RBM19: variants seen among roughly 807,000 people sequenced by gnomAD.
RBM19 encodes RNA binding motif protein 19.
A neutral mutation model predicts 116.8 loss-of-function variants in RBM19; 94 were observed. The ratio of observed to expected loss-of-function variants is 0.80; its 90% CI spans 0.68 to 0.95. RBM19 has a LOEUF of 0.95. Ranked by LOEUF, RBM19 falls within the 40% of genes least tolerant of loss-of-function variation. RBM19 has a pLI of 0.00. For missense variants in RBM19, 1,161 were observed against 1,220.7 expected (o/e 0.95, Z 0.73); for synonymous variants, 475 against 494.1 (o/e 0.96, Z 0.51).
At chr12:113,844,473 C>G (rs973045851) in intron 23 of RBM19, among the ~76,000 whole-genome samples, 195 bp downstream of exon 23, 1 of 152,206 alleles carries the variant, frequency 6.6e-6, no homozygotes, top group South Asian at 2.1e-4. Flanking sequence ...GTAGGCCAGC[C>G]TCCCGGCAGG....
chr12:113,916,051 C>T (rs1373263842), intron 20 of RBM19, among the ~76,000 whole-genome samples: 2 of 152,046 alleles, frequency 1.3e-5, no homozygotes, highest in Non-Finnish European at 2.9e-5. Flanking sequence ...TCTTGTCATT[C>T]TGGGGCTATG....
In RBM19 at chr12:113,909,580, G is replaced by A. The variant is rs538011212; in HGVS notation, c.2558+5389C>T. 5.9e-5 allele frequency among the ~76,000 whole-genome samples: 9 copies of A among 152,286 alleles called. No individual in the cohort carries two copies. The South Asian group carries it at 6.2e-4, about 11-fold the overall frequency. Reference sequence around the variant, plus strand: ...GTCGGTAAAAAGGAAGGGAGGGAGCGGTGAAGGAAGAAAGCGAAATCGGGT... The same window carrying A: ...GTCGGTAAAAAGGAAGGGAGGGAGCAGTGAAGGAAGAAAGCGAAATCGGGT... On this transcript the variant is annotated intron_variant, in intron 21 of 23. Transcript: ENST00000261741.
At chr12:113,948,439 G>C (rs2135923076) in intron 10 of RBM19, among the ~76,000 whole-genome samples, 1 of 152,316 alleles carries the variant, frequency 6.6e-6, no homozygotes, top group African/African-American at 2.4e-5. Context: ...CAGATACGGA[G>C]GAACGCCGTG....
rs1565970295 is a variant in RBM19 at position 113,844,774 on chromosome 12, G to T, written c.2679C>A (p.Ala893=). 2.5e-6 allele frequency: 4 copies of T among 1,612,810 alleles called. No homozygotes were observed. Among genetic ancestry groups the T allele is most frequent in the Non-Finnish European group, 3.4e-6 (4 of 1,179,426 alleles). ...TKQDAKRAFN[A]LCHSTHLYGR... ...CGTACAAGTGGGTGCTGTGACACAG[G>T]GCGTTGAAGGCTCTCTGCAGAGGGA... The change falls in exon 23 of 24, where the codon GCC becomes GCA. Residue 893 remains alanine, a synonymous_variant. Transcript: ENST00000261741.
At chr12:113,964,713 C>T (rs77542721) in intron 1 of RBM19, among the ~76,000 whole-genome samples, 6,470 of 152,130 alleles carry the variant, frequency 0.043, 337 homozygotes, top group Admixed American at 0.15. Flanking sequence ...TGAGGCCTAG[C>T]AGATAGTCAC....
chr12:113,840,626 A>G (rs1002515639), intron 23 of RBM19, among the ~76,000 whole-genome samples: 7 of 152,194 alleles, frequency 4.6e-5, no homozygotes, highest in African/African-American at 1.7e-4. Flanking sequence ...GCCTGATGGG[A>G]GGCCGTGGCC....
At chr12:113,935,206 T>C (rs921775801) in intron 16 of RBM19, among the ~76,000 whole-genome samples, 3 of 152,278 alleles carry the variant, frequency 2.0e-5, no homozygotes, top group Admixed American at 1.3e-4. Flanking sequence ...CTGCCTCCTG[T>C]TGCCACCCAA....
chr12:113,914,958 G>A lies in RBM19; in HGVS notation c.2558+11C>T, dbSNP rs762794347. 6.2e-7 allele frequency: 1 copy of A among 1,608,250 alleles called. No homozygotes were observed. Among genetic ancestry groups the A allele is most frequent in the Non-Finnish European group, 8.5e-7 (1 of 1,174,596 alleles). ...CACGCCAGTCCCCTGGACTAAACCT[G>A]AAGTTCTCACCTGAAGAGCTCTCGG... On this transcript the variant is annotated intron_variant, in intron 21 of 23. Transcript: ENST00000261741.
downstream of RBM19, among the ~76,000 whole-genome samples, chr12:113,818,568 T>C (rs1006384753): frequency 8.0e-6 from 1 of 124,544 alleles, no homozygotes; most frequent in Admixed American, 7.8e-5. Flanking sequence ...ATGTTCACAA[T>C]AATGATGGCA....
chr12:113,835,963 C>T (rs893624004), intron 23 of RBM19, among the ~76,000 whole-genome samples: 2 of 152,236 alleles, frequency 1.3e-5, no homozygotes. Flanking sequence ...TTCTTCCATA[C>T]CATTATATTC....
chr12:113,894,046 C>T (rs1464428564), intron 21 of RBM19, among the ~76,000 whole-genome samples: 1 of 152,174 alleles, frequency 6.6e-6, no homozygotes, highest in African/African-American at 2.4e-5. Context: ...TGGTCTGCAC[C>T]ACCTTCTCTC....
intron 16 of RBM19, among the ~76,000 whole-genome samples, chr12:113,935,880 A>G (rs890942002): frequency 1.3e-5 from 2 of 152,064 alleles, no homozygotes; most frequent in Admixed American, 1.3e-4. Context: ...CCAAAAATAC[A>G]AAAAAATTAG....
intron 21 of RBM19, among the ~76,000 whole-genome samples, chr12:113,874,039 A>G (rs958183343): frequency 1.3e-5 from 2 of 152,208 alleles, no homozygotes; most frequent in Admixed American, 6.5e-5. Context: ...GGAGGGTGCC[A>G]CCTCAAAGGT....
intron 21 of RBM19, among the ~76,000 whole-genome samples, chr12:113,870,743 G>A (rs891483706): frequency 3.9e-5 from 6 of 152,110 alleles, no homozygotes; most frequent in Admixed American, 3.9e-4. Context: ...TCCATGTATC[G>A]TCTCCGCACT....
chr12:113,914,990 C>A lies in RBM19; in HGVS notation c.2537G>T (p.Arg846Leu). The change falls in exon 21 of 24, where the codon CGG (arginine) becomes CTG (leucine). Residue 846 changes from arginine to leucine, a missense_variant. Physicochemically the swap from Arg to Leu is moderately radical, Grantham distance 102. Transcript: ENST00000261741. ...VRNIPFQAHS[R>L]EIRELFSTFG... ...TCACCTGAAGAGCTCTCGGATCTCC[C>A]GGCTGTGGGCCTGGAAGGGGATGTT... The A allele has an allele frequency of 1.2e-6, 2 of 1,614,056 alleles. No individual in the cohort carries two copies. The highest frequency in any genetic ancestry group is 1.3e-5 in the African/African-American group (1 of 75,042).
At chr12:113,855,926 C>G (rs1296006550) in intron 22 of RBM19, among the ~76,000 whole-genome samples, 1 of 152,192 alleles carries the variant, frequency 6.6e-6, no homozygotes, top group Non-Finnish European at 1.5e-5. Flanking sequence ...AGACCTGGAG[C>G]TGGGGAGGGA....
intron 14 of RBM19, among the ~76,000 whole-genome samples, chr12:113,941,651 C>CTCCATCCA (rs548473938): frequency 2.7e-5 from 4 of 146,548 alleles, no homozygotes; most frequent in African/African-American, 5.4e-5. Flanking sequence ...CATATTCATC[C>CTCCATCCA]TCCATCCATC....
intron 21 of RBM19, among the ~76,000 whole-genome samples, chr12:113,873,970 A>G (rs1879481564): frequency 6.6e-6 from 1 of 151,074 alleles, no homozygotes; most frequent in African/African-American, 2.4e-5. Flanking sequence ...AGACAAACAG[A>G]TGAACCTAGA....
intron 21 of RBM19, among the ~76,000 whole-genome samples, chr12:113,885,143 T>C (rs1880431756): frequency 6.6e-6 from 1 of 152,234 alleles, no homozygotes; most frequent in Admixed American, 6.5e-5. Flanking sequence ...TCCTGAACTA[T>C]CTTCCAACAT....
Sources: allele counts gnomAD v4.1 joint callset (sites outside exome capture counted in the v4.1 genomes callset), GRCh38; gene constraint gnomAD v4.1.1; transcripts MANE v1.5; gene names NCBI Gene and HGNC (gene_info 2026-07-23, HGNC 2026-07-21).